Variants in RFX2 observed in about 807,000 individuals in gnomAD.
RFX2 encodes the protein regulatory factor X2.
In RFX2, 20 loss-of-function variants were observed where a neutral mutation model predicts 87.8. The ratio of observed to expected loss-of-function variants is 0.23; its 90% CI spans 0.16 to 0.33. The LOEUF (loss-of-function observed/expected upper bound fraction) is 0.33. Ranked by LOEUF, RFX2 falls within the 10% of genes least tolerant of loss-of-function variation. The pLI, the probability that RFX2 is intolerant of heterozygous loss-of-function variation, is 1.00. For missense variants in RFX2, 767 were observed against 1,012.3 expected (o/e 0.76, Z 3.29); for synonymous variants, 397 against 431.3 (o/e 0.92, Z 0.98).
At chr19:5,995,470 C>T in intron 17 of RFX2, 131 bp downstream of exon 17, 1 of 886,242 alleles carries the variant, frequency 1.1e-6, no homozygotes, top group East Asian at 2.6e-5. Context: ...GATGACAGAT[C>T]CCAGGGCCCT....
At chr19:6,005,117 A>C (rs2086563161) in intron 12 of RFX2, among the ~76,000 whole-genome samples, 1 of 152,204 alleles carries the variant, frequency 6.6e-6, no homozygotes, top group South Asian at 2.1e-4. Context: ...CTTAAAAAAA[A>C]CCAGAAAAAT....
Position 6,013,858 on chromosome 19 carries a change from T to A in RFX2, c.780-753A>T, listed in dbSNP as rs1033999055. On this transcript the variant is annotated intron_variant, in intron 7 of 17. Coordinates refer to ENST00000303657, the MANE Select transcript of RFX2 (RefSeq NM_000635.4). The surrounding 1 kb of genome is among the most constrained non-coding windows in gnomAD (Gnocchi z 4.1). ...TCATAGAGAGTCCTCTCTCACAGGC[T>A]AGTATAATAAAGGCTCGGACAAGTC... Among the ~76,000 whole-genome samples, 2 of 152,230 alleles carry A rather than the reference T, an allele frequency of 1.3e-5. No homozygotes were observed. Among genetic ancestry groups the A allele is most frequent in the African/African-American group, 4.8e-5 (2 of 41,458 alleles).
chr19:6,068,304 T>C (rs901240412), intron 1 of RFX2: 11 of 152,226 alleles, frequency 7.2e-5, no homozygotes, highest in African/African-American at 1.2e-4. Flanking sequence ...AAAATATTTA[T>C]TGGATCCATA....
In RFX2 at chr19:6,023,207, G is replaced by C. The variant is rs1000207007; in HGVS notation, c.597+2956C>G. On this transcript the variant is annotated intron_variant, in intron 6 of 17. Coordinates refer to ENST00000303657, the MANE Select transcript of RFX2 (RefSeq NM_000635.4). This position sits in a 1 kb window ranked among gnomAD's most constrained non-coding sequence, Gnocchi z 4.9. ...CGACCTGCCTGGGGCTGTCTGAGAA[G>C]GGAGGTCTGGGAGGCCACTGGGAAA... 1.3e-5 allele frequency: 2 copies of C among 152,538 alleles called. No homozygotes were observed. The highest frequency in any genetic ancestry group is 1.3e-4 in the Admixed American group (2 of 15,306). 9.4% of individuals were successfully genotyped at this position (152,538 alleles called of 1,614,324 possible). A position where few individuals can be genotyped will look rare whatever the true frequency, so the allele number is the denominator to read the frequency against.
At chr19:6,092,951 G>A (rs1013594845) in intron 1 of RFX2, among the ~76,000 whole-genome samples, 1 of 150,990 alleles carries the variant, frequency 6.6e-6, no homozygotes, top group Non-Finnish European at 1.5e-5. Context: ...ACACGCATGT[G>A]GTAAAAAAAA....
intron 5 of RFX2, among the ~76,000 whole-genome samples, chr19:6,029,266 AAAAG>A (rs981011759): frequency 2.6e-5 from 4 of 152,134 alleles, no homozygotes; most frequent in Non-Finnish European, 4.4e-5. Flanking sequence ...CAAAAAAAAA[AAAAG>A]AAAGTATGGC....
At chr19:6,052,924 GA>G (rs892128983) in intron 1 of RFX2, among the ~76,000 whole-genome samples, 3 of 151,604 alleles carry the variant, frequency 2.0e-5, no homozygotes, top group South Asian at 4.2e-4. Context: ...AAATTATTAA[GA>G]AAAAAAAGTG....
rs77075700 is a variant in RFX2, at chr19:6,020,611, A to G, written c.598-4340T>C. Among the ~76,000 whole-genome samples, 670 of 152,276 alleles carry G rather than the reference A, an allele frequency of 4.4e-3. 7 individuals carry two copies. In the East Asian group the frequency reaches 0.071, roughly 16 times the overall value. ...ACCTGGCGGCACGTCAGACTGCGGC[A>G]AGCATCACAGGTCAGTTCCGTGAAA... On this transcript the variant is annotated intron_variant, in intron 6 of 17. Coordinates refer to ENST00000303657, the MANE Select transcript of RFX2 (RefSeq NM_000635.4). This position sits in a 1 kb window ranked among gnomAD's most constrained non-coding sequence, Gnocchi z 5.3.
At chr19:6,065,471 C>A (rs1179032440) in intron 1 of RFX2, among the ~76,000 whole-genome samples, 2 of 152,150 alleles carry the variant, frequency 1.3e-5, no homozygotes, top group East Asian at 1.9e-4. Flanking sequence ...ACGGTGAAAC[C>A]CCGTCTCTAC....
rs999767429 is a variant in RFX2 at position 6,041,383 on chromosome 19, C to T, written c.260+661G>A. Among the ~76,000 whole-genome samples, 12 of 152,178 alleles carry T rather than the reference C, an allele frequency of 7.9e-5. 1 individual carries two copies. The South Asian group carries it at 8.3e-4, about 11-fold the overall frequency. On this transcript the variant is annotated intron_variant, in intron 4 of 17. Transcript: ENST00000303657. ...ACAGACAAGCAGGCGAAAGGACTCA[C>T]GTCTAAAGTAAAGTGAGCTGCACGG...
chr19:5,993,723 T>C lies in RFX2; in HGVS notation c.*1112A>G, dbSNP rs986261130. On this transcript the variant is annotated 3_prime_UTR_variant, in exon 18 of 18. Transcript: ENST00000303657. ...CAACTGCAGCGGCTACGTGTTTCCA[T>C]GGAGACAAACTTGGTGTCTCAAGTT... is the stretch of plus-strand genomic sequence containing the variant. 1.3e-5 allele frequency: 2 copies of C among 152,240 alleles called. No individual in the cohort carries two copies. Among genetic ancestry groups the C allele is most frequent in the Non-Finnish European group, 2.9e-5 (2 of 68,040 alleles). The allele number at this position is 152,240 out of a possible 1,614,324, so 9.4% of individuals were successfully genotyped here. A position where few individuals can be genotyped will look rare whatever the true frequency, so the allele number is the denominator to read the frequency against.
In RFX2 at chr19:6,045,669, T is replaced by TG. The variant is rs1002882542; in HGVS notation, c.91-1388_91-1387insC. On this transcript the variant is annotated intron_variant, in intron 2 of 17. Transcript: ENST00000303657. The surrounding 1 kb of genome is among the most constrained non-coding windows in gnomAD (Gnocchi z 5.2). ...TTTTGCGGAATTGTGTTTTTTTGTT[T>TG]TTGTTTTTTTGTGTTTTTTGGGACG... is the stretch of plus-strand genomic sequence containing the variant. 4.7e-5 allele frequency among the ~76,000 whole-genome samples: 7 copies of TG among 147,966 alleles called. No individual in the cohort carries two copies. The highest frequency in any genetic ancestry group is 1.9e-4 in the African/African-American group (7 of 37,528).
At chr19:6,025,292 C>T (rs968577838) in intron 6 of RFX2, among the ~76,000 whole-genome samples, 4 of 152,130 alleles carry the variant, frequency 2.6e-5, no homozygotes, top group Non-Finnish European at 5.9e-5. Context: ...GCTGAGATGC[C>T]CCCAACCTCC....
At chr19:6,087,492 T>C (rs1301355765) in intron 1 of RFX2, among the ~76,000 whole-genome samples, 2 of 152,168 alleles carry the variant, frequency 1.3e-5, no homozygotes, top group Non-Finnish European at 2.9e-5. Flanking sequence ...CAGTTTTTTC[T>C]AGCATCCACC....
chr19:6,028,204 T>C lies in RFX2; in HGVS notation c.523-1967A>G, dbSNP rs189206414. On this transcript the variant is annotated intron_variant, in intron 5 of 17. Transcript: ENST00000303657. ...TGAAGAATAGGTACACTTTCCAAAT[T>C]AAAAAAAAAAACAACAAAACCAAAA... Among the ~76,000 whole-genome samples the C allele has an allele frequency of 2.1e-4, 30 of 144,784 alleles. No individual in the cohort carries two copies. The East Asian group carries it at 6.0e-3, about 29-fold the overall frequency. 95.0% of individuals were successfully genotyped at this position (144,784 alleles called of 152,430 possible). A position where few individuals can be genotyped will look rare whatever the true frequency, so the allele number is the denominator to read the frequency against.
chr19:6,086,682 T>G (rs1447129752), intron 1 of RFX2, among the ~76,000 whole-genome samples: 2 of 152,220 alleles, frequency 1.3e-5, no homozygotes, highest in Non-Finnish European at 2.9e-5. Context: ...TCACAGGAAT[T>G]AGATGACTTC....
At chr19:6,031,230 A>G (rs1237839938) in intron 5 of RFX2, among the ~76,000 whole-genome samples, 1 of 152,130 alleles carries the variant, frequency 6.6e-6, no homozygotes, top group Non-Finnish European at 1.5e-5. Flanking sequence ...AGTTCTGCCC[A>G]CACGTCAATC....
chr19:6,110,212 T>TC lies in RFX2; in HGVS notation c.-9+180dup, dbSNP rs1233854031. Among the ~76,000 whole-genome samples, 1 of 127,146 alleles carries TC rather than the reference T, an allele frequency of 7.9e-6. No homozygotes were observed. The highest frequency in any genetic ancestry group is 8.1e-5 in the Admixed American group (1 of 12,276). 83.4% of individuals were successfully genotyped at this position (127,146 alleles called of 152,430 possible). ...AAGGAAAGTGGGGACGTCGCCAGGG[T>TC]CCCCCCAAACTCCGCCGCGCGCGCG... On this transcript the variant is annotated intron_variant, in intron 1 of 17. Transcript: ENST00000303657. The surrounding 1 kb of genome is among the most constrained non-coding windows in gnomAD (Gnocchi z 4.3).
At position 5,998,438 on chromosome 19, in the gene RFX2, C is replaced by G. The variant is rs1045211649; in HGVS notation, c.1860-1225G>C. On this transcript the variant is annotated intron_variant, in intron 15 of 17. Transcript: ENST00000303657. This position sits in a 1 kb window ranked among gnomAD's most constrained non-coding sequence, Gnocchi z 4.2. ...CCCCCAATGCCCAACTGCCCCGGCT[C>G]GAAGTATACTTTCATAAACTCTGTT... is the stretch of plus-strand genomic sequence containing the variant. Among the ~76,000 whole-genome samples, 1 of 152,228 alleles carries G rather than the reference C, an allele frequency of 6.6e-6. No homozygotes were observed. The highest frequency in any genetic ancestry group is 2.4e-5 in the African/African-American group (1 of 41,462).
Sources: gnomAD v4.1 joint callset for allele counts (sites outside exome capture counted in the v4.1 genomes callset) on GRCh38, gnomAD v4.1.1 for gene constraint, Gnocchi (gnomAD v3.1) non-coding constraint, MANE v1.5 for transcripts, NCBI Gene and HGNC (gene_info 2026-07-23, HGNC 2026-07-21) for gene names.